Variants in MRPS28 observed in about 807,000 individuals in gnomAD.
MRPS28 encodes small ribosomal subunit protein bS1m.
Under a neutral mutation model 10.8 loss-of-function variants are expected in MRPS28, and 7 were observed. The ratio of observed to expected loss-of-function variants is 0.65; its 90% CI spans 0.37 to 1.22. The LOEUF (loss-of-function observed/expected upper bound fraction) is 1.22, where lower values mean the gene tolerates loss of function less well. MRPS28 is among the 50% of genes most tolerant of loss of function. The pLI is 0.02. For missense variants in MRPS28, 265 were observed against 232.9 expected (o/e 1.14, Z -0.90); for synonymous variants, 121 against 93.3 (o/e 1.30, Z -1.71).
intron 1 of MRPS28, among the ~76,000 whole-genome samples, chr8:80,011,713 A>G (rs1809055733): frequency 6.6e-6 from 1 of 152,110 alleles, no homozygotes; most frequent in Non-Finnish European, 1.5e-5. Context: ...AGATGGCACA[A>G]CTGCACTCTA....
intron 2 of MRPS28, among the ~76,000 whole-genome samples, chr8:79,948,796 A>T (rs1041927653): frequency 3.3e-5 from 5 of 152,180 alleles, no homozygotes; most frequent in African/African-American, 1.2e-4. Flanking sequence ...CCGAACTTAC[A>T]TTGCCAGGAT....
intron 2 of MRPS28, among the ~76,000 whole-genome samples, chr8:79,930,264 C>T (rs1563518893): frequency 6.6e-6 from 1 of 152,142 alleles, no homozygotes; most frequent in African/African-American, 2.4e-5. Flanking sequence ...TTAATCACTT[C>T]CCTAGGTAGG....
chr8:80,013,649 AAAAAG>A (rs1563543157), intron 1 of MRPS28, among the ~76,000 whole-genome samples: 1 of 151,028 alleles, frequency 6.6e-6, no homozygotes, highest in African/African-American at 2.4e-5. Flanking sequence ...AAAAAAAAAA[AAAAAG>A]AAAAGAAAAA....
chr8:80,003,439 G>A (rs1808722785), intron 1 of MRPS28, among the ~76,000 whole-genome samples: 1 of 152,186 alleles, frequency 6.6e-6, no homozygotes, highest in South Asian at 2.1e-4. Flanking sequence ...GCCGAGGCAG[G>A]TGGATCACCT....
At chr8:79,922,526 G>A (rs184023099) in intron 2 of MRPS28, among the ~76,000 whole-genome samples, 29 of 152,050 alleles carry the variant, frequency 1.9e-4, no homozygotes, top group Admixed American at 1.2e-3. Flanking sequence ...AAATTAGCTC[G>A]ATTTGGCTAT....
chr8:79,979,173 G>A (rs1157786045), intron 2 of MRPS28, among the ~76,000 whole-genome samples: 1 of 152,006 alleles, frequency 6.6e-6, no homozygotes, highest in East Asian at 1.9e-4. Flanking sequence ...TTTATAATAC[G>A]GGAGCCTTTA....
intron 2 of MRPS28, among the ~76,000 whole-genome samples, chr8:79,947,375 T>G (rs1201537587): frequency 2.6e-5 from 4 of 152,164 alleles, no homozygotes; most frequent in African/African-American, 9.7e-5. Context: ...CAATATTGTT[T>G]TGGATATTTT....
intron 1 of MRPS28, among the ~76,000 whole-genome samples, chr8:80,012,421 A>T (rs1479878024): frequency 1.3e-5 from 2 of 152,120 alleles, no homozygotes; most frequent in Non-Finnish European, 2.9e-5. Flanking sequence ...AAATGTAGCA[A>T]CTCCCACAAT....
Position 80,028,809 on chromosome 8 carries a change from A to C in MRPS28, c.213+1227T>G, listed in dbSNP as rs557811633. 1.5e-4 allele frequency: 23 copies of C among 154,368 alleles called. No individual in the cohort carries two copies. The South Asian group carries it at 2.7e-3, about 18-fold the overall frequency. 9.6% of individuals were successfully genotyped at this position (154,368 alleles called of 1,614,324 possible). On this transcript the variant is annotated intron_variant, in intron 1 of 2. Coordinates refer to ENST00000276585, the MANE Select transcript of MRPS28 (RefSeq NM_014018.3). Reference sequence around the variant, plus strand: ...CAAAACCCCATCTCTACAAAAAAAAACAGAAAAAACAATTAGCCCAGAGTG... The same window carrying C: ...CAAAACCCCATCTCTACAAAAAAAACCAGAAAAAACAATTAGCCCAGAGTG...
At chr8:79,998,732 T>A (rs1463142127) in intron 2 of MRPS28, among the ~76,000 whole-genome samples, 3 of 152,170 alleles carry the variant, frequency 2.0e-5, no homozygotes, top group Non-Finnish European at 2.9e-5. Flanking sequence ...TCTAGGGCGT[T>A]TTGGTACAAA....
chr8:79,919,002 T>C lies in MRPS28; in HGVS notation c.542A>G (p.Lys181Arg). 3.2e-6 allele frequency: 5 copies of C among 1,561,378 alleles called. No individual in the cohort carries two copies. The highest frequency in any genetic ancestry group is 4.3e-6 in the Non-Finnish European group (5 of 1,157,894). ...CATTTATTTTTCATGATGTTCTTCT[T>C]TCGATCTTGAGTCTTTACTCTCCTG... ...GIQESKDSRS[K>R]EEHHEK The change falls in exon 3 of 3, where the codon AAA (lysine) becomes AGA (arginine). Residue 181 changes from lysine (K) to arginine (R), a missense_variant. By Grantham distance (26) the Lys-to-Arg change is conservative. Coordinates refer to ENST00000276585, the MANE Select transcript of MRPS28 (RefSeq NM_014018.3).
chr8:79,989,242 G>GA (rs1163939549), intron 2 of MRPS28, among the ~76,000 whole-genome samples: 3 of 152,110 alleles, frequency 2.0e-5, no homozygotes, highest in Admixed American at 2.0e-4. Context: ...AAATGATATA[G>GA]AAAAAATTTA....
intron 2 of MRPS28, among the ~76,000 whole-genome samples, chr8:79,970,107 T>C (rs1807594092): frequency 6.6e-6 from 1 of 152,192 alleles, no homozygotes; most frequent in Non-Finnish European, 1.5e-5. Flanking sequence ...GTATACCTTT[T>C]ATACTGACAT....
intron 2 of MRPS28, among the ~76,000 whole-genome samples, chr8:79,980,500 T>C (rs1006400635): frequency 1.3e-5 from 2 of 152,212 alleles, no homozygotes; most frequent in East Asian, 1.9e-4. Flanking sequence ...TAATTTGACA[T>C]TGATTTTGTT....
At position 79,993,735 on chromosome 8, in the gene MRPS28, A is replaced by C. The variant is rs535031346; in HGVS notation, c.395+9264T>G. 3.9e-5 allele frequency among the ~76,000 whole-genome samples: 6 copies of C among 152,284 alleles called. No homozygotes were observed. In the South Asian group the frequency reaches 1.2e-3, roughly 32 times the overall value. On this transcript the variant is annotated intron_variant, in intron 2 of 2. Transcript: ENST00000276585. ...TATATAAAAACATGCATGCTTTTTTAATGTGTTCCATGTCCTCTGCAATAA... is the reference window on the plus strand; with the variant it reads ...TATATAAAAACATGCATGCTTTTTTCATGTGTTCCATGTCCTCTGCAATAA...
At position 80,013,097 on chromosome 8, in the gene MRPS28, G is replaced by A. The variant is rs946776569; in HGVS notation, c.214-9917C>T. Among the ~76,000 whole-genome samples the A allele has an allele frequency of 2.6e-4, 40 of 151,698 alleles. 1 individual carries two copies. The highest frequency in any genetic ancestry group is 1.3e-4 in the Non-Finnish European group (9 of 67,916). ...AACAGTACAGAAGAATAACAAATACGAAACCTGACTTCTATGACCAACTCA... is the reference window on the plus strand; with the variant it reads ...AACAGTACAGAAGAATAACAAATACAAAACCTGACTTCTATGACCAACTCA... On this transcript the variant is annotated intron_variant, in intron 1 of 2. Transcript: ENST00000276585.
intron 2 of MRPS28, among the ~76,000 whole-genome samples, chr8:79,972,359 C>A (rs1807656262): frequency 6.6e-6 from 1 of 152,128 alleles, no homozygotes; most frequent in African/African-American, 2.4e-5. Context: ...CTGAGGATAC[C>A]TATACCCCAT....
At chr8:79,957,547 A>T (rs1444672391) in intron 2 of MRPS28, among the ~76,000 whole-genome samples, 1 of 14,590 alleles carries the variant, frequency 6.9e-5, no homozygotes, top group African/African-American at 2.0e-4. Context: ...TTGTCTCTAC[A>T]AAAAAAAAAA....
rs1254604197 is a variant in MRPS28, at chr8:80,030,085, G to C, written c.164C>G (p.Ala55Gly). 1 of 1,610,834 alleles carries C rather than the reference G, an allele frequency of 6.2e-7. No individual in the cohort carries two copies. The highest frequency in any genetic ancestry group is 2.2e-5 in the East Asian group (1 of 44,840). ...PKTRAGGFAS[A>G]LERHSELLQK... ...TAGAAGCTCCGAGTGCCGCTCCAACGCGCTCGCGAAACCGCCTGCGCGCGT... is the reference window on the plus strand; with the variant it reads ...TAGAAGCTCCGAGTGCCGCTCCAACCCGCTCGCGAAACCGCCTGCGCGCGT... Residue 55 changes from alanine to glycine, a missense_variant, in exon 1 of 3, where the codon GCG becomes GGG. Transcript: ENST00000276585.
Sources: gnomAD v4.1 joint callset for allele counts (sites outside exome capture counted in the v4.1 genomes callset) on GRCh38, gnomAD v4.1.1 for gene constraint, MANE v1.5 for transcripts, NCBI Gene and HGNC (gene_info 2026-07-23, HGNC 2026-07-21) for gene names.